Variants in CPPED1 observed in about 807,000 individuals in gnomAD.
The protein encoded by CPPED1 is calcineurin like phosphoesterase domain containing 1.
A neutral mutation model predicts 28.0 loss-of-function variants in CPPED1; 28 were observed. The observed-to-expected ratio is 1.00, with a 90% CI of 0.74 to 1.37. CPPED1 has a LOEUF of 1.37. Ranked by LOEUF, CPPED1 falls within the 40% of genes most tolerant of loss-of-function variation. The probability of loss-of-function intolerance (pLI) is 0.00; values close to 1 mark genes in which losing one functional copy is unlikely to be tolerated. For missense variants in CPPED1, 504 were observed against 416.5 expected (o/e 1.21, Z -1.83); for synonymous variants, 198 against 180.2 (o/e 1.10, Z -0.79).
intron 3 of CPPED1, among the ~76,000 whole-genome samples, chr16:12,697,365 A>T (rs896677760): frequency 9.5e-5 from 10 of 105,130 alleles, no homozygotes; most frequent in Non-Finnish European, 9.2e-5. Context: ...TGCACCATGG[A>T]CCCTCTTGTC....
chr16:12,766,380 T>A lies in CPPED1; in HGVS notation c.289+14805A>T, dbSNP rs373400137. On this transcript the variant is annotated intron_variant, in intron 2 of 3. Coordinates refer to ENST00000381774, the MANE Select transcript of CPPED1 (RefSeq NM_018340.3). ...ACCTCAGACTGTGAAGGAAAAGGGG[T>A]TTAATTGGACTTACAGCTTCACGTG... 6.9e-4 allele frequency among the ~76,000 whole-genome samples: 105 copies of A among 151,082 alleles called. 2 individuals are homozygous for A. The South Asian group carries it at 0.02, about 29-fold the overall frequency.
chr16:12,779,687 TTTC>T (rs1231346616), intron 2 of CPPED1, among the ~76,000 whole-genome samples: 19 of 152,026 alleles, frequency 1.2e-4, no homozygotes, highest in Admixed American at 7.9e-4. Context: ...ATTCTCATGT[TTTC>T]ATTATGGGTT....
chr16:12,794,425 A>C (rs921124463), intron 1 of CPPED1, among the ~76,000 whole-genome samples: 3 of 151,962 alleles, frequency 2.0e-5, no homozygotes, highest in African/African-American at 7.3e-5. Context: ...AAAGGAAAAA[A>C]AAAAAATAGT....
At chr16:12,732,268 G>C (rs549269677) in intron 2 of CPPED1, among the ~76,000 whole-genome samples, 2 of 150,874 alleles carry the variant, frequency 1.3e-5, no homozygotes, top group Admixed American at 6.6e-5. Flanking sequence ...TTAAAACTAT[G>C]GTAGCAAAAA....
chr16:12,668,497 T>C (rs1291526354), intron 3 of CPPED1, among the ~76,000 whole-genome samples: 1 of 152,160 alleles, frequency 6.6e-6, no homozygotes, highest in Non-Finnish European at 1.5e-5. Context: ...CAAACTAAAC[T>C]TCATCAAAAT....
At chr16:12,715,555 GAGGCTGAGGC>G (rs1293920179) in intron 2 of CPPED1, among the ~76,000 whole-genome samples, 1 of 152,184 alleles carries the variant, frequency 6.6e-6, no homozygotes, top group East Asian at 1.9e-4. Context: ...AGCTACTCGG[GAGGCTGAGGC>G]AGGAAAATTG....
intron 2 of CPPED1, among the ~76,000 whole-genome samples, chr16:12,744,471 CAAG>C (rs1349250815): frequency 2.0e-5 from 3 of 152,168 alleles, no homozygotes; most frequent in Non-Finnish European, 4.4e-5. Flanking sequence ...AAAAACTGGA[CAAG>C]AAACACGAAG....
intron 2 of CPPED1, among the ~76,000 whole-genome samples, chr16:12,710,560 A>G (rs535363837): frequency 3.5e-4 from 53 of 152,338 alleles, no homozygotes; most frequent in African/African-American, 1.3e-3. Flanking sequence ...TGCAAACCAC[A>G]GAATGGGAGA....
chr16:12,702,511 C>G (rs985073188), intron 3 of CPPED1, among the ~76,000 whole-genome samples: 3 of 152,186 alleles, frequency 2.0e-5, no homozygotes, highest in East Asian at 3.9e-4. Context: ...GCACGCCAGC[C>G]TGGGTGACAA....
At chr16:12,747,804 A>G (rs1254179609) in intron 2 of CPPED1, among the ~76,000 whole-genome samples, 1 of 152,240 alleles carries the variant, frequency 6.6e-6, no homozygotes, top group Non-Finnish European at 1.5e-5. Flanking sequence ...CATTTATTAA[A>G]TTGCACACTT....
At chr16:12,717,443 T>C (rs1016211610) in intron 2 of CPPED1, among the ~76,000 whole-genome samples, 4 of 152,118 alleles carry the variant, frequency 2.6e-5, no homozygotes, top group African/African-American at 9.7e-5. Flanking sequence ...TTTTTGTATT[T>C]TTAGTACAGA....
chr16:12,780,195 T>A (rs986281872), intron 2 of CPPED1, among the ~76,000 whole-genome samples: 4 of 152,114 alleles, frequency 2.6e-5, no homozygotes, highest in Admixed American at 2.6e-4. Flanking sequence ...GTTTTGTTTT[T>A]TTGAGATGGA....
chr16:12,736,892 A>G (rs748350191), intron 2 of CPPED1, among the ~76,000 whole-genome samples: 1 of 152,122 alleles, frequency 6.6e-6, no homozygotes, highest in Non-Finnish European at 1.5e-5. Context: ...CTGCAACTCT[A>G]AAATCAGAGA....
At chr16:12,768,278 C>T (rs2080450874) in intron 2 of CPPED1, among the ~76,000 whole-genome samples, 1 of 152,186 alleles carries the variant, frequency 6.6e-6, no homozygotes, top group Non-Finnish European at 1.5e-5. Flanking sequence ...TTCTCAAATG[C>T]TTCACTGAAC....
In CPPED1 at chr16:12,797,196, C is replaced by A. The variant is rs541872504; in HGVS notation, c.70+6511G>T. Among the ~76,000 whole-genome samples, 8 of 152,074 alleles carry A rather than the reference C, an allele frequency of 5.3e-5. No homozygotes were observed. The East Asian group carries it at 9.7e-4, about 18-fold the overall frequency. On this transcript the variant is annotated intron_variant, in intron 1 of 3. Coordinates refer to ENST00000381774, the MANE Select transcript of CPPED1 (RefSeq NM_018340.3). Reference sequence around the variant, plus strand: ...ACACCACTCTAAAGTTAATAAAATCCCTTGAGTTGTAAACTTAAAATGCAT... The same window carrying A: ...ACACCACTCTAAAGTTAATAAAATCACTTGAGTTGTAAACTTAAAATGCAT...
chr16:12,697,932 T>G (rs995383019), intron 3 of CPPED1, among the ~76,000 whole-genome samples: 2 of 151,966 alleles, frequency 1.3e-5, no homozygotes, highest in Non-Finnish European at 2.9e-5. Flanking sequence ...GCCAATACAG[T>G]GAAACTATCT....
At chr16:12,742,691 A>T (rs1268347692) in intron 2 of CPPED1, among the ~76,000 whole-genome samples, 1 of 152,188 alleles carries the variant, frequency 6.6e-6, no homozygotes, top group Non-Finnish European at 1.5e-5. Context: ...AGTTCAGAAC[A>T]TTGCCCAATA....
chr16:12,787,440 C>CT (rs920085165), intron 1 of CPPED1, among the ~76,000 whole-genome samples: 2 of 143,694 alleles, frequency 1.4e-5, no homozygotes, highest in African/African-American at 2.6e-5. Context: ...GAGTCTCACT[C>CT]TGTCACTCAG....
At position 12,781,412 on chromosome 16, in the gene CPPED1, AAG is replaced by A. The variant is rs34318683; in HGVS notation, c.71-11_71-10del. ...CCATTCGCTTTCCTTTTCTTAAAAA[AAG>A]AGAGAGGGAGAAAGAAGGAGAAATC... is the stretch of plus-strand genomic sequence containing the variant. On this transcript the variant is annotated splice_polypyrimidine_tract_variant and intron_variant, in intron 1 of 3. Coordinates refer to ENST00000381774, the MANE Select transcript of CPPED1 (RefSeq NM_018340.3). The A allele has an allele frequency of 0.016, 26,309 of 1,611,676 alleles. 289 individuals are homozygous for A. The highest frequency in any genetic ancestry group is 0.019 in the Non-Finnish European group (22,153 of 1,178,606).
Sources: allele counts gnomAD v4.1 joint callset (sites outside exome capture counted in the v4.1 genomes callset), GRCh38; gene constraint gnomAD v4.1.1; transcripts MANE v1.5; gene names NCBI Gene and HGNC (gene_info 2026-07-23, HGNC 2026-07-21).